Variants in DNAH2 observed in about 807,000 individuals in gnomAD.
The protein encoded by DNAH2 is dynein axonemal heavy chain 2.
DNAH2 carries 323 observed loss-of-function variants against 523.5 expected under a neutral mutation model. That is an observed-to-expected ratio of 0.62 (90% CI 0.56 to 0.68). The LOEUF is 0.68. DNAH2 is among the 30% of genes least tolerant of loss of function. DNAH2 has a pLI of 0.00. For missense variants in DNAH2, 4,907 were observed against 5,701.5 expected, an observed-to-expected ratio of 0.86 and a Z score of 4.49; for synonymous variants, 2,093 against 2,177.4, an observed-to-expected ratio of 0.96 and a Z score of 1.08.
rs1391071096 is a variant in DNAH2, at chr17:7,775,317, C to T, written c.4796C>T (p.Ser1599Leu). ...GDGEYIDFLH[S>L]VFLEGPVESW... ...GGCGAGTACATTGACTTCCTCCACT[C>T]AGTATTTTTAGAAGGCCCTGTGGAG... Residue 1599 changes from serine (S) to leucine (L), a missense_variant, in exon 30 of 86, where the codon TCA becomes TTA. Ser to Leu is a moderately radical substitution (Grantham distance 145). Coordinates refer to ENST00000572933, the MANE Select transcript of DNAH2 (RefSeq NM_020877.5). The T allele has an allele frequency of 6.2e-7, 1 of 1,612,762 alleles. No homozygotes were observed. The highest frequency in any genetic ancestry group is 1.7e-5 in the Admixed American group (1 of 59,922).
rs1444317113 is a variant in DNAH2, at chr17:7,759,066, A to G, written c.2390A>G (p.Gln797Arg). The change falls in exon 15 of 86, where the codon CAG becomes CGG. Residue 797 changes from glutamine to arginine, a missense_variant. Physicochemically the swap from Gln to Arg is conservative, Grantham distance 43 (BLOSUM62 1). Coordinates refer to ENST00000572933, the MANE Select transcript of DNAH2 (RefSeq NM_020877.5). ...AVQQKLMNLH[Q>R]DVVTIMTNSY... is the part of the protein sequence containing the mutation. ...CAGCAGAAATTGATGAACCTGCACC[A>G]GGATGTGGTGACCATCATGACCAAC... 6.2e-7 allele frequency: 1 copy of G among 1,614,102 alleles called. No individual in the cohort carries two copies. Among genetic ancestry groups the G allele is most frequent in the Non-Finnish European group, 8.5e-7 (1 of 1,180,046 alleles).
intron 4 of DNAH2, among the ~76,000 whole-genome samples, chr17:7,728,282 C>T (rs2074886104): frequency 6.6e-6 from 1 of 151,986 alleles, no homozygotes; most frequent in Non-Finnish European, 1.5e-5. Flanking sequence ...ATTCTTTGAA[C>T]TTTTCTGTAT....
In DNAH2 at chr17:7,786,919, G is replaced by T; in HGVS notation, c.6489G>T (p.Trp2163Cys). ...CAGATGAGAAACCCGACGAGAAGTG[G>T]ATCCTGTTCGATGGCCCCGTGGACA... ...ACADEKPDEK[W>C]ILFDGPVDTL... is the part of the protein sequence containing the mutation. Residue 2163 changes from tryptophan to cysteine, a missense_variant, in exon 42 of 86, where the codon TGG becomes TGT. Physicochemically the swap from Trp to Cys is radical, Grantham distance 215. Around this residue, in one of 3 missense-constraint regions of DNAH2, gnomAD observed 2,806 missense variants for 3,190.8 expected, o/e 0.88. Coordinates refer to ENST00000572933, the MANE Select transcript of DNAH2 (RefSeq NM_020877.5). The surrounding 1 kb of genome is among the most constrained non-coding windows in gnomAD (Gnocchi z 7.5). 1 of 1,614,262 alleles carries T rather than the reference G, an allele frequency of 6.2e-7. No homozygotes were observed. Among genetic ancestry groups the T allele is most frequent in the Non-Finnish European group, 8.5e-7 (1 of 1,180,040 alleles).
In DNAH2 at chr17:7,792,709, T is replaced by C; in HGVS notation, c.7198T>C (p.Tyr2400His). The change falls in exon 47 of 86, where the codon TAC becomes CAC. Residue 2400 changes from tyrosine (Y) to histidine (H), a missense_variant. By Grantham distance (83) the Tyr-to-His change is moderately conservative. This residue lies in a region of DNAH2 where 2,806 missense variants were observed against 3,190.8 expected (regional missense o/e 0.88). Transcript: ENST00000572933. ...VPTVDTVRYN[Y>H]LVSSLVANQN... ...CACCGTCGACACTGTTCGCTACAAC[T>C]ACCTGGTGAGCAGCTTGGTGGCCAA... 1 of 1,614,146 alleles carries C rather than the reference T, an allele frequency of 6.2e-7. No individual in the cohort carries two copies. The highest frequency in any genetic ancestry group is 8.5e-7 in the Non-Finnish European group (1 of 1,180,006).
At position 7,797,195 on chromosome 17, in the gene DNAH2, G is replaced by C; in HGVS notation, c.7883G>C (p.Arg2628Thr). Residue 2628 changes from arginine to threonine, a missense_variant, in exon 51 of 86, where the codon AGA becomes ACA. By Grantham distance (71) the Arg-to-Thr change is moderately conservative (BLOSUM62 -1). Around this residue, in one of 3 missense-constraint regions of DNAH2, gnomAD observed 250 missense variants for 371.3 expected, o/e 0.67. Coordinates refer to ENST00000572933, the MANE Select transcript of DNAH2 (RefSeq NM_020877.5). ...TCCCAGGTGTTCCAGGGCATGCTTA[G>C]AGCCAACAAGGACTTCCATGATACC... ...DISKVFQGML[R>T]ANKDFHDTKS... 1 of 1,613,232 alleles carries C rather than the reference G, an allele frequency of 6.2e-7. No homozygotes were observed. The highest frequency in any genetic ancestry group is 8.5e-7 in the Non-Finnish European group (1 of 1,179,848).
chr17:7,765,932 C>T (rs1302856763), intron 21 of DNAH2, among the ~76,000 whole-genome samples: 1 of 152,114 alleles, frequency 6.6e-6, no homozygotes, highest in Admixed American at 6.6e-5. Flanking sequence ...GCACATGCCA[C>T]CACACCCGGC....
Position 7,830,471 on chromosome 17 carries a change from T to C in DNAH2, c.12025T>C (p.Phe4009Leu). 1 of 1,614,190 alleles carries C rather than the reference T, an allele frequency of 6.2e-7. No individual in the cohort carries two copies. Among genetic ancestry groups the C allele is most frequent in the Non-Finnish European group, 8.5e-7 (1 of 1,180,028 alleles). ...GCTTGGCTGGAACATCATCTATGGC[T>C]TCAATGACTCCGACTTTGAGGTTTG... ...LQLGWNIIYG[F>L]NDSDFEVSEN... The change falls in exon 78 of 86, where the codon TTC (phenylalanine) becomes CTC (leucine). Residue 4009 changes from phenylalanine to leucine, a missense_variant. By Grantham distance (22) the Phe-to-Leu change is conservative. Around this residue, in one of 3 missense-constraint regions of DNAH2, gnomAD observed 1,851 missense variants for 2,139.4 expected, o/e 0.87. Transcript: ENST00000572933.
chr17:7,766,961 T>C (rs1225946857), intron 22 of DNAH2, among the ~76,000 whole-genome samples: 1 of 152,076 alleles, frequency 6.6e-6, no homozygotes, highest in Admixed American at 6.5e-5. Context: ...AAATTAACCA[T>C]TTTGAAGTAA....
intron 58 of DNAH2, among the ~76,000 whole-genome samples, chr17:7,803,554 C>T (rs975288719): frequency 1.3e-5 from 2 of 151,998 alleles, no homozygotes; most frequent in Admixed American, 1.3e-4. Flanking sequence ...CCTGTAATGC[C>T]AGCTACTGGG....
At chr17:7,825,411 G>A (rs1052435281) in intron 77 of DNAH2, among the ~76,000 whole-genome samples, 1 of 152,204 alleles carries the variant, frequency 6.6e-6, no homozygotes, top group Non-Finnish European at 1.5e-5. Context: ...ACAGATAAGA[G>A]CTGTTTGAAT....
intron 77 of DNAH2, among the ~76,000 whole-genome samples, chr17:7,829,118 G>A (rs747740328): frequency 2.0e-5 from 3 of 151,946 alleles, no homozygotes; most frequent in Admixed American, 6.6e-5. Flanking sequence ...GGGTTCAAGC[G>A]ATTCTTCTGC....
At position 7,780,019 on chromosome 17, in the gene DNAH2, G is replaced by A; in HGVS notation, c.5723-138G>A. The A allele has an allele frequency of 8.8e-7, 1 of 1,141,258 alleles. No homozygotes were observed. The highest frequency in any genetic ancestry group is 1.3e-6 in the Non-Finnish European group (1 of 798,850). The allele number at this position is 1,141,258 out of a possible 1,614,324, so 70.7% of individuals were successfully genotyped here. ...AAGGGCTGGGGCTGAGATGAGAAAG[G>A]ATGTGGTCTTGGAGTTGGAGAGAAA... On this transcript the variant is annotated intron_variant, in intron 36 of 85. Coordinates refer to ENST00000572933, the MANE Select transcript of DNAH2 (RefSeq NM_020877.5). This position sits in a 1 kb window ranked among gnomAD's most constrained non-coding sequence, Gnocchi z 4.4.
rs2078069447 is a variant in DNAH2 at position 7,828,051 on chromosome 17, GCACCT to G, written c.11854-2245_11854-2241del. 6.6e-6 allele frequency among the ~76,000 whole-genome samples: 1 copy of G among 151,812 alleles called. No homozygotes were observed. The highest frequency in any genetic ancestry group is 2.4e-5 in the African/African-American group (1 of 41,218). On this transcript the variant is annotated intron_variant, in intron 77 of 85. Transcript: ENST00000572933. The surrounding 1 kb of genome is among the most constrained non-coding windows in gnomAD (Gnocchi z 4.1). ...CCAGGCTCTAGCAATCTTTCCACCTGCACCTCACAGGTGTGTGCCACCACTCTGGC... is the reference window on the plus strand; with the variant it reads ...CCAGGCTCTAGCAATCTTTCCACCTGCACAGGTGTGTGCCACCACTCTGGC...
chr17:7,833,100 G>A lies in DNAH2; in HGVS notation c.13008G>A (p.Leu4336=). ...KDGVWVRGLY[L]EGAGWDRKNS... The stretch of plus-strand genomic sequence containing the variant: ...GTGTCTGGGTCCGGGGCCTGTACCT[G>A]GAAGGTGCTGGCTGGGACCGGAAGA... Residue 4336 remains leucine, a synonymous_variant, in exon 85 of 86, where the codon CTG becomes CTA. Coordinates refer to ENST00000572933, the MANE Select transcript of DNAH2 (RefSeq NM_020877.5). 6.2e-7 allele frequency: 1 copy of A among 1,613,112 alleles called. No individual in the cohort carries two copies. Among genetic ancestry groups the A allele is most frequent in the Non-Finnish European group, 8.5e-7 (1 of 1,179,938 alleles).
At chr17:7,814,038 C>A (rs1203557201) in intron 63 of DNAH2, among the ~76,000 whole-genome samples, 1 of 151,850 alleles carries the variant, frequency 6.6e-6, no homozygotes, top group African/African-American at 2.4e-5. Context: ...ATAAATGATT[C>A]TGTGCATGGA....
At chr17:7,734,769 C>T (rs2075094407) in intron 7 of DNAH2, 61 bp downstream of exon 7, 3 of 1,551,990 alleles carry the variant, frequency 1.9e-6, no homozygotes, top group Non-Finnish European at 1.8e-6. Flanking sequence ...TGGGATGATA[C>T]AGGGAGCTAA....
Position 7,777,481 on chromosome 17 carries a change from G to A in DNAH2, c.5094G>A (p.Arg1698=), listed in dbSNP as rs767672240. 10 of 1,614,158 alleles carry A rather than the reference G, an allele frequency of 6.2e-6. No homozygotes were observed. The South Asian group carries it at 1.1e-4, about 18-fold the overall frequency. Residue 1698 remains arginine, a synonymous_variant, in exon 33 of 86, where the codon AGG becomes AGA. Transcript: ENST00000572933. ...TGAATAAGTATTCAGAAGCCATCAGGGGGAACTTGACCAAGATCATGCGGC... is the reference window on the plus strand; with the variant it reads ...TGAATAAGTATTCAGAAGCCATCAGAGGGAACTTGACCAAGATCATGCGGC... ...SILNKYSEAI[R]GNLTKIMRLK...
chr17:7,804,159 AGGC>A, intron 58 of DNAH2, 94 bp from the exon 59 acceptor site: 28 of 1,274,360 alleles, frequency 2.2e-5, no homozygotes, highest in Admixed American at 1.0e-4. Context: ...ACAGAAAGGA[AGGC>A]GGACTCGAGA....
intron 2 of DNAH2, among the ~76,000 whole-genome samples, chr17:7,722,190 G>GGC: frequency 2.4e-5 from 1 of 41,594 alleles, no homozygotes; most frequent in Admixed American, 2.0e-4. Context: ...ATAGAGACGG[G>GGC]GGGGGGGGTT....
Sources: gnomAD v4.1 joint callset for allele counts (sites outside exome capture counted in the v4.1 genomes callset) on GRCh38, gnomAD v4.1.1 for gene constraint, gnomAD v4.1.1 regional missense constraint, Gnocchi (gnomAD v3.1) non-coding constraint, MANE v1.5 for transcripts, NCBI Gene and HGNC (gene_info 2026-07-23, HGNC 2026-07-21) for gene names.